FAM83F: variants seen among roughly 807,000 people sequenced by gnomAD.
The protein encoded by FAM83F is scaffolding CK1 anchoring protein F.
Under a neutral mutation model 42.9 loss-of-function variants are expected in FAM83F, and 45 were observed. The observed-to-expected ratio is 1.05, with a 90% CI of 0.83 to 1.35. The LOEUF is 1.35. Among genes scored for constraint, FAM83F ranks in the 40% most tolerant of loss-of-function variants. The pLI, the probability that FAM83F is intolerant of heterozygous loss-of-function variation, is 0.00. For missense variants in FAM83F, 617 were observed against 695.9 expected, an observed-to-expected ratio of 0.89 and a Z score of 1.28; for synonymous variants, 306 against 298.3, an observed-to-expected ratio of 1.03 and a Z score of -0.27.
At chr22:40,008,190 G>A (rs1471960390) in intron 1 of FAM83F, among the ~76,000 whole-genome samples, 2 of 152,158 alleles carry the variant, frequency 1.3e-5, no homozygotes, top group Non-Finnish European at 1.5e-5. Context: ...CCGTTGGCAG[G>A]GCCTGCTGGG....
At chr22:40,022,403 T>C (rs1291822816) in intron 4 of FAM83F, among the ~76,000 whole-genome samples, 1 of 152,178 alleles carries the variant, frequency 6.6e-6, no homozygotes, top group Non-Finnish European at 1.5e-5. Flanking sequence ...AGTTGAGGGC[T>C]CTTTCTAGCA....
intron 1 of FAM83F, among the ~76,000 whole-genome samples, chr22:40,000,827 G>C (rs980252546): frequency 6.6e-6 from 1 of 152,040 alleles, no homozygotes; most frequent in Non-Finnish European, 1.5e-5. Context: ...CTAGAAGCTC[G>C]TAAGCTGCCT....
intron 1 of FAM83F, chr22:40,010,080 G>A (rs1258268846): frequency 6.6e-6 from 1 of 152,158 alleles, no homozygotes; most frequent in Non-Finnish European, 1.5e-5. Context: ...CTGCCGCCTC[G>A]AATCAACCTC....
intron 1 of FAM83F, among the ~76,000 whole-genome samples, chr22:40,014,933 A>G (rs945724992): frequency 2.0e-4 from 30 of 152,216 alleles, no homozygotes; most frequent in African/African-American, 7.2e-4. Context: ...TTCTCAAAAT[A>G]GTTGTGAGGA....
intron 1 of FAM83F, among the ~76,000 whole-genome samples, chr22:39,998,280 G>C (rs1035927325): frequency 6.6e-6 from 1 of 152,192 alleles, no homozygotes; most frequent in Non-Finnish European, 1.5e-5. Context: ...AGGGGAGGCA[G>C]CAGGACATGC....
intron 1 of FAM83F, among the ~76,000 whole-genome samples, chr22:40,018,157 G>T (rs1182682806): frequency 1.3e-5 from 2 of 152,214 alleles, no homozygotes; most frequent in East Asian, 3.8e-4. Context: ...ATTTGAGGAT[G>T]GCGTAGGATG....
chr22:40,019,225 G>A lies in FAM83F; in HGVS notation c.547G>A (p.Asp183Asn). 6.2e-7 allele frequency: 1 copy of A among 1,614,180 alleles called. No homozygotes were observed. The highest frequency in any genetic ancestry group is 8.5e-7 in the Non-Finnish European group (1 of 1,180,024). Residue 183 changes from aspartate to asparagine, a missense_variant, in exon 2 of 5, where the codon GAT (aspartate) becomes AAT (asparagine). Physicochemically the swap from Asp to Asn is conservative, Grantham distance 23. Coordinates refer to ENST00000333407, the MANE Select transcript of FAM83F (RefSeq NM_138435.4). ...TGGTGATATCTTTCAAGACATTGTG[G>A]ATGCTGCCTGTAAGCGCCGGGTCCC... ...TDGDIFQDIV[D>N]AACKRRVPVY... is the part of the protein sequence containing the mutation.
At position 40,021,433 on chromosome 22, in the gene FAM83F, G is replaced by C; in HGVS notation, c.923G>C (p.Gly308Ala). ...VDLYRQLSLA[G>A]RVGLHYSSTV... ...TTGTACCGGCAGCTGAGCCTGGCGGGCAGGGTTGGCCTCCATTACTCCTCC... is the reference window on the plus strand; with the variant it reads ...TTGTACCGGCAGCTGAGCCTGGCGGCCAGGGTTGGCCTCCATTACTCCTCC... The change falls in exon 4 of 5, where the codon GGC becomes GCC. Residue 308 changes from glycine (G) to alanine (A), a missense_variant. Physicochemically the swap from Gly to Ala is moderately conservative, Grantham distance 60. Transcript: ENST00000333407. The surrounding 1 kb of genome is among the most constrained non-coding windows in gnomAD (Gnocchi z 8.7). The C allele has an allele frequency of 6.2e-7, 1 of 1,613,442 alleles. No individual in the cohort carries two copies. The highest frequency in any genetic ancestry group is 1.1e-5 in the South Asian group (1 of 91,018).
At chr22:40,010,838 G>A (rs1196797661) in intron 1 of FAM83F, among the ~76,000 whole-genome samples, 1 of 152,196 alleles carries the variant, frequency 6.6e-6, no homozygotes, top group Non-Finnish European at 1.5e-5. Context: ...GTGGAATGAA[G>A]CCAGAACTCT....
chr22:39,995,100 G>A lies in FAM83F; in HGVS notation c.58G>A (p.Glu20Lys). Reference sequence around the variant, plus strand: ...GGCGCACGTGAACGAGAAGGTGACCGAGGCGCAGGCCGCCTTCTACTACTG... The same window carrying A: ...GGCGCACGTGAACGAGAAGGTGACCAAGGCGCAGGCCGCCTTCTACTACTG... ...DEAHVNEKVTEAQAAFYYCER... is the reference protein window; with the variant it reads ...DEAHVNEKVTKAQAAFYYCER... The change falls in exon 1 of 5, where the codon GAG becomes AAG. Residue 20 changes from glutamate to lysine, a missense_variant. Coordinates refer to ENST00000333407, the MANE Select transcript of FAM83F (RefSeq NM_138435.4). This position sits in a 1 kb window ranked among gnomAD's most constrained non-coding sequence, Gnocchi z 4.6. The A allele has an allele frequency of 7.4e-7, 1 of 1,357,304 alleles. No individual in the cohort carries two copies. Among genetic ancestry groups the A allele is most frequent in the Non-Finnish European group, 9.4e-7 (1 of 1,063,470 alleles). The allele number at this position is 1,357,304 out of a possible 1,614,324, so 84.1% of individuals were successfully genotyped here. A position where few individuals can be genotyped will look rare whatever the true frequency, so the allele number is the denominator to read the frequency against.
intron 4 of FAM83F, among the ~76,000 whole-genome samples, chr22:40,022,893 C>G (rs2067530339): frequency 6.6e-6 from 1 of 152,194 alleles, no homozygotes; most frequent in Non-Finnish European, 1.5e-5. Flanking sequence ...TGCACACCAG[C>G]TTTAACCGGA....
At chr22:40,006,075 A>G (rs2067426649) in intron 1 of FAM83F, among the ~76,000 whole-genome samples, 1 of 152,156 alleles carries the variant, frequency 6.6e-6, no homozygotes, top group South Asian at 2.1e-4. Context: ...CCCCGTCTCT[A>G]CTGAAAATAT....
In FAM83F at chr22:39,994,955, C is replaced by G; in HGVS notation, c.-88C>G. The G allele has an allele frequency of 8.6e-7, 1 of 1,156,464 alleles. No homozygotes were observed. 71.6% of individuals were successfully genotyped at this position (1,156,464 alleles called of 1,614,324 possible). A position where few individuals can be genotyped will look rare whatever the true frequency, so the allele number is the denominator to read the frequency against. On this transcript the variant is annotated 5_prime_UTR_variant, in exon 1 of 5. Coordinates refer to ENST00000333407, the MANE Select transcript of FAM83F (RefSeq NM_138435.4). The stretch of plus-strand genomic sequence containing the variant: ...GCAGAGCTCGCGGCCAGGTGAGGCG[C>G]CCCGCCCCTCGGCGGCTCCAGGTGC...
intron 1 of FAM83F, among the ~76,000 whole-genome samples, chr22:40,006,132 C>T (rs1324316901): frequency 6.6e-6 from 1 of 151,754 alleles, no homozygotes; most frequent in African/African-American, 2.4e-5. Flanking sequence ...CCCAGCTACT[C>T]GGGAGGCTGG....
In FAM83F at chr22:40,021,851, C is replaced by G; in HGVS notation, c.1341C>G (p.Ala447=). 6.2e-7 allele frequency: 1 copy of G among 1,612,542 alleles called. No individual in the cohort carries two copies. The highest frequency in any genetic ancestry group is 1.1e-5 in the South Asian group (1 of 91,024). The change falls in exon 4 of 5, where the codon GCC becomes GCG. Residue 447 remains alanine, a synonymous_variant. Transcript: ENST00000333407. The surrounding 1 kb of genome is among the most constrained non-coding windows in gnomAD (Gnocchi z 8.7). The part of the protein sequence containing the change: ...RFSSRLFSRR[A]KRPAAPNGMA... Reference sequence around the variant, plus strand: ...GCAGCAGGCTCTTCAGTCGCCGAGCCAAGAGGCCTGCGGCGCCCAATGGCA... The same window carrying G: ...GCAGCAGGCTCTTCAGTCGCCGAGCGAAGAGGCCTGCGGCGCCCAATGGCA...
rs370510722 is a variant in FAM83F, at chr22:39,996,841, T to C, written c.489+1310T>C. ...TTCCTCCCTGTCTGACTGAGTTTTCTTTGTATATTGTGTTCTGCAGAAGAA... is the reference window on the plus strand; with the variant it reads ...TTCCTCCCTGTCTGACTGAGTTTTCCTTGTATATTGTGTTCTGCAGAAGAA... On this transcript the variant is annotated intron_variant, in intron 1 of 4. Coordinates refer to ENST00000333407, the MANE Select transcript of FAM83F (RefSeq NM_138435.4). 1.5e-4 allele frequency among the ~76,000 whole-genome samples: 23 copies of C among 152,306 alleles called. No individual in the cohort carries two copies. The East Asian group carries it at 3.3e-3, about 22-fold the overall frequency.
intron 1 of FAM83F, among the ~76,000 whole-genome samples, chr22:40,001,900 G>A (rs570025982): frequency 7.9e-5 from 12 of 152,282 alleles, no homozygotes; most frequent in African/African-American, 2.4e-4. Context: ...ACCCTGTGCC[G>A]GCGTGTTTCC....
chr22:40,007,416 G>C (rs1350287214), intron 1 of FAM83F, among the ~76,000 whole-genome samples: 54 of 548 alleles, frequency 0.099, no homozygotes, highest in East Asian at 0.11. Context: ...TCTTCCTCCT[G>C]TCCTCCTCCT....
At chr22:40,005,873 G>A (rs2067424864) in intron 1 of FAM83F, among the ~76,000 whole-genome samples, 1 of 152,208 alleles carries the variant, frequency 6.6e-6, no homozygotes, top group African/African-American at 2.4e-5. Flanking sequence ...CAGATAGCTG[G>A]GAAGCCCCAG....
Sources: allele counts gnomAD v4.1 joint callset (sites outside exome capture counted in the v4.1 genomes callset), GRCh38; gene constraint gnomAD v4.1.1; non-coding constraint Gnocchi (gnomAD v3.1); transcripts MANE v1.5; gene names NCBI Gene and HGNC (gene_info 2026-07-23, HGNC 2026-07-21).